Variants in AOPEP observed in about 807,000 individuals in gnomAD.
AOPEP encodes aminopeptidase O.
AOPEP carries 77 observed loss-of-function variants against 98.1 expected under a neutral mutation model. The ratio of observed to expected loss-of-function variants is 0.78; its 90% confidence interval spans 0.65 to 0.95. The LOEUF (loss-of-function observed/expected upper bound fraction) is 0.95. Ranked by LOEUF, AOPEP falls within the 40% of genes least tolerant of loss-of-function variation. The pLI is 0.00. For synonymous variants in AOPEP, 346 were observed against 365.3 expected, an observed-to-expected ratio of 0.95 and a Z score of 0.60; for missense variants, 1,024 against 1,024.7, an observed-to-expected ratio of 1.00 and a Z score of 0.01.
chr9:94,963,285 A>G (rs996297789), intron 9 of AOPEP, among the ~76,000 whole-genome samples: 1 of 152,186 alleles, frequency 6.6e-6, no homozygotes, highest in Non-Finnish European at 1.5e-5. Flanking sequence ...ATCCAGTAGA[A>G]TCTACATGTA....
chr9:94,732,662 C>T (rs553182041), intron 1 of AOPEP, among the ~76,000 whole-genome samples: 5 of 152,210 alleles, frequency 3.3e-5, no homozygotes, highest in Non-Finnish European at 2.9e-5. Flanking sequence ...GGATTTCATA[C>T]GGACCTGATT....
chr9:94,780,844 A>G (rs569068009), intron 3 of AOPEP, among the ~76,000 whole-genome samples: 1 of 152,344 alleles, frequency 6.6e-6, no homozygotes, highest in African/African-American at 2.4e-5. Context: ...AGTGACACAT[A>G]GGCCTGATTA....
intron 13 of AOPEP, among the ~76,000 whole-genome samples, chr9:95,018,328 C>T (rs774224380): frequency 4.6e-5 from 7 of 152,310 alleles, no homozygotes; most frequent in African/African-American, 7.2e-5. Flanking sequence ...TTAGCCACTC[C>T]GGTGGGTGTT....
At chr9:94,917,747 T>C (rs555592507) in intron 5 of AOPEP, among the ~76,000 whole-genome samples, 28 of 152,324 alleles carry the variant, frequency 1.8e-4, no homozygotes, top group African/African-American at 6.5e-4. Flanking sequence ...TTCTGCATCC[T>C]TCCCTTTGTT....
chr9:94,959,112 C>G (rs773755125), intron 9 of AOPEP, among the ~76,000 whole-genome samples: 2 of 151,912 alleles, frequency 1.3e-5, no homozygotes, highest in Non-Finnish European at 2.9e-5. Flanking sequence ...GGCGCGGTCT[C>G]GGCTCACTGC....
At chr9:94,729,576 T>TAAA (rs57495134) in intron 1 of AOPEP, among the ~76,000 whole-genome samples, 11 of 140,726 alleles carry the variant, frequency 7.8e-5, no homozygotes, top group East Asian at 4.2e-4. Flanking sequence ...ACACTGTCTT[T>TAAA]AAAAAAAAAA....
At position 94,955,236 on chromosome 9, in the gene AOPEP, G is replaced by A. The variant is rs779905978; in HGVS notation, c.1721G>A (p.Gly574Glu). ...TCGGGAGCATCTGTTATCAAGCATG[G>A]ACTTAATCCGGAGAAGATCTTCATG... is the stretch of plus-strand genomic sequence containing the variant. ...SDSGASVIKH[G>E]LNPEKIFMQV... Residue 574 changes from glycine to glutamate, a missense_variant, in exon 8 of 17, where the codon GGA becomes GAA. Gly to Glu is a moderately conservative substitution (Grantham distance 98). This residue lies in a region of AOPEP where 566 missense variants were observed against 551.7 expected (regional missense o/e 1.03). Transcript: ENST00000375315. The A allele has an allele frequency of 1.2e-6, 2 of 1,613,746 alleles. No individual in the cohort carries two copies. The highest frequency in any genetic ancestry group is 1.7e-5 in the Admixed American group (1 of 59,874).
intron 5 of AOPEP, among the ~76,000 whole-genome samples, chr9:94,849,220 G>C (rs1163434878): frequency 6.6e-5 from 10 of 152,158 alleles, no homozygotes; most frequent in Non-Finnish European, 1.5e-5. Flanking sequence ...TTCTGGAAAA[G>C]TTTGTCCTTT....
chr9:94,848,734 A>G (rs1277519065), intron 5 of AOPEP, among the ~76,000 whole-genome samples: 1 of 152,174 alleles, frequency 6.6e-6, no homozygotes, highest in Non-Finnish European at 1.5e-5. Context: ...TGCCCTACCA[A>G]GCTAATAGCC....
At chr9:94,859,473 C>A (rs1474802397) in intron 5 of AOPEP, among the ~76,000 whole-genome samples, 2 of 152,198 alleles carry the variant, frequency 1.3e-5, no homozygotes, top group Admixed American at 6.5e-5. Flanking sequence ...GATAATCTGA[C>A]TAACTCAAGA....
At chr9:95,100,250 G>A in the AOPEP span, 14 of 229,274 alleles carry the variant, frequency 6.1e-5, no homozygotes, top group South Asian at 1.8e-3. Flanking sequence ...TTATATGAAG[G>A]CAATGACCAT....
chr9:94,836,935 A>T (rs191001161), intron 5 of AOPEP, among the ~76,000 whole-genome samples: 115 of 152,184 alleles, frequency 7.6e-4, no homozygotes, highest in African/African-American at 2.2e-3. Context: ...ATTATTTTTT[A>T]AAAAAATTTT....
chr9:94,937,395 C>G (rs2056432477), intron 7 of AOPEP, among the ~76,000 whole-genome samples: 1 of 152,212 alleles, frequency 6.6e-6, no homozygotes, highest in Non-Finnish European at 1.5e-5. Context: ...ATGTCTTAAT[C>G]TGCTCTTCCT....
chr9:94,839,474 C>G (rs2042037076), intron 5 of AOPEP, among the ~76,000 whole-genome samples: 3 of 152,150 alleles, frequency 2.0e-5, no homozygotes. Context: ...CTGCCCATCT[C>G]AGCCTCCCAA....
At chr9:94,779,691 T>C (rs1362073347) in intron 3 of AOPEP, among the ~76,000 whole-genome samples, 2 of 151,466 alleles carry the variant, frequency 1.3e-5, no homozygotes, top group Non-Finnish European at 2.9e-5. Flanking sequence ...TATATAAATA[T>C]AAATTGAATA....
At chr9:95,093,346 G>C in the AOPEP span, among the ~76,000 whole-genome samples, 1 of 152,120 alleles carries the variant, frequency 6.6e-6, no homozygotes, top group African/African-American at 2.4e-5. Context: ...AGAAAATTCT[G>C]TCCAATGGTA....
intron 13 of AOPEP, among the ~76,000 whole-genome samples, chr9:95,033,879 T>C (rs1347776418): frequency 6.6e-6 from 1 of 152,216 alleles, no homozygotes; most frequent in East Asian, 1.9e-4. Context: ...ACATCCCCAA[T>C]TTCATTTGTG....
intron 9 of AOPEP, among the ~76,000 whole-genome samples, chr9:94,959,919 T>G (rs1254095795): frequency 2.6e-5 from 4 of 152,226 alleles, no homozygotes; most frequent in African/African-American, 9.6e-5. Flanking sequence ...TTTCTTTTAC[T>G]TGAATTTAAT....
intron 11 of AOPEP, among the ~76,000 whole-genome samples, chr9:94,979,935 G>A (rs1254695016): frequency 2.6e-5 from 4 of 152,162 alleles, no homozygotes; most frequent in African/African-American, 9.7e-5. Context: ...TTCTGCATTG[G>A]GCTCCTGTCT....
Sources: gnomAD v4.1 joint callset for allele counts (sites outside exome capture counted in the v4.1 genomes callset) on GRCh38, gnomAD v4.1.1 for gene constraint, gnomAD v4.1.1 regional missense constraint, MANE v1.5 for transcripts, NCBI Gene and HGNC (gene_info 2026-07-23, HGNC 2026-07-21) for gene names.